IQGAP1: variants seen among roughly 807,000 people sequenced by gnomAD.
The protein encoded by IQGAP1 is IQ motif containing GTPase activating protein 1, also known as ras GTPase-activating-like protein IQGAP1.
Under a neutral mutation model 215.6 loss-of-function variants are expected in IQGAP1, and 66 were observed. The ratio of observed to expected loss-of-function variants is 0.31; its 90% confidence interval spans 0.25 to 0.38. The LOEUF (loss-of-function observed/expected upper bound fraction) is 0.38. IQGAP1 is among the 10% of genes least tolerant of loss of function. The pLI is 1.00. For synonymous variants in IQGAP1, 772 were observed against 728.7 expected (o/e 1.06, Z -0.96); for missense variants, 1,712 against 1,997.1 (o/e 0.86, Z 2.72).
chr15:90,461,312 A>G (rs1011928393), intron 15 of IQGAP1, among the ~76,000 whole-genome samples: 6 of 151,794 alleles, frequency 4.0e-5, no homozygotes, highest in Non-Finnish European at 8.8e-5. Flanking sequence ...AAAAAGAAAA[A>G]CTGATGCTGG....
chr15:90,494,888 C>T, intron 36 of IQGAP1, 53 bp downstream of exon 36: 1 of 1,351,732 alleles, frequency 7.4e-7, no homozygotes, highest in Non-Finnish European at 1.0e-6. Flanking sequence ...ACATTTATCA[C>T]ATCTTTGCCT....
chr15:90,479,999 G>A (rs118123110), intron 26 of IQGAP1, among the ~76,000 whole-genome samples: 2 of 152,026 alleles, frequency 1.3e-5, no homozygotes, highest in African/African-American at 2.4e-5. Context: ...TGGTCCATGA[G>A]TCAGTCATTT....
intron 15 of IQGAP1, among the ~76,000 whole-genome samples, chr15:90,465,671 A>ATTTTTGTT (rs1555439882): frequency 0.026 from 2,294 of 89,208 alleles, 39 homozygotes; most frequent in African/African-American, 0.066. Context: ...TGGCCAAGCT[A>ATTTTTGTT]TGTTTGTTTG....
chr15:90,407,555 C>T (rs1312391764), intron 2 of IQGAP1, among the ~76,000 whole-genome samples: 3 of 152,100 alleles, frequency 2.0e-5, no homozygotes, highest in Non-Finnish European at 2.9e-5. Flanking sequence ...TTTGGGAAAA[C>T]CCGTGTTGCA....
chr15:90,393,260 C>T (rs1380658900), intron 2 of IQGAP1, among the ~76,000 whole-genome samples: 1 of 152,102 alleles, frequency 6.6e-6, no homozygotes, highest in Non-Finnish European at 1.5e-5. Context: ...AGTTGCTCAA[C>T]TTCCTTATAT....
At chr15:90,490,380 T>C (rs1368421210) in intron 33 of IQGAP1, among the ~76,000 whole-genome samples, 1 of 152,146 alleles carries the variant, frequency 6.6e-6, no homozygotes, top group Non-Finnish European at 1.5e-5. Flanking sequence ...ATAAGAGCAG[T>C]AAAGAAGAAA....
intron 9 of IQGAP1, among the ~76,000 whole-genome samples, chr15:90,443,705 C>T (rs1278959145): frequency 6.6e-6 from 1 of 152,146 alleles, no homozygotes; most frequent in African/African-American, 2.4e-5. Context: ...TCATAGTAGT[C>T]TGTTTGGCTA....
chr15:90,441,831 A>G (rs1001328636), intron 8 of IQGAP1, 147 bp downstream of exon 8: 1 of 658,666 alleles, frequency 1.5e-6, no homozygotes, highest in African/African-American at 1.8e-5. Context: ...AGTTTTGAAA[A>G]GTATATGTGA....
intron 18 of IQGAP1, among the ~76,000 whole-genome samples, chr15:90,470,557 AAAT>A (rs1965891401): frequency 6.6e-6 from 1 of 152,104 alleles, no homozygotes; most frequent in Non-Finnish European, 1.5e-5. Context: ...ATCTTTGAAA[AAAT>A]AATAATACAA....
At chr15:90,400,160 CTT>C (rs36123717) in intron 2 of IQGAP1, among the ~76,000 whole-genome samples, 32,237 of 151,826 alleles carry the variant, frequency 0.21, 4,639 homozygotes, top group African/African-American at 0.41. Context: ...TATAATGTCT[CTT>C]GTTTGTTTAT....
chr15:90,400,013 G>A (rs962691404), intron 2 of IQGAP1, among the ~76,000 whole-genome samples: 5 of 152,052 alleles, frequency 3.3e-5, no homozygotes, highest in East Asian at 1.9e-4. Flanking sequence ...CAAGTAACTT[G>A]ATTTTTTTTT....
chr15:90,448,180 G>A (rs1343225015), intron 9 of IQGAP1, among the ~76,000 whole-genome samples: 1 of 152,152 alleles, frequency 6.6e-6, no homozygotes, highest in Non-Finnish European at 1.5e-5. Flanking sequence ...GTAGTAAGTG[G>A]CCACGGGAGA....
chr15:90,500,142 G>A lies in IQGAP1; in HGVS notation c.*34G>A, dbSNP rs935133285. 1.6e-6 allele frequency: 2 copies of A among 1,252,248 alleles called. No individual in the cohort carries two copies. Among genetic ancestry groups the A allele is most frequent in the African/African-American group, 1.5e-5 (1 of 67,712 alleles). The allele number at this position is 1,252,248 out of a possible 1,614,324, so 77.6% of individuals were successfully genotyped here. ...TTGCTGCCAGCCCAGAAGGATGAAGGAAAGAAGCACCTCACAGCTCCTTTC... is the reference window on the plus strand; with the variant it reads ...TTGCTGCCAGCCCAGAAGGATGAAGAAAAGAAGCACCTCACAGCTCCTTTC... On this transcript the variant is annotated 3_prime_UTR_variant, in exon 38 of 38. Transcript: ENST00000268182.
At chr15:90,423,844 T>C (rs986132386) in intron 2 of IQGAP1, among the ~76,000 whole-genome samples, 1 of 152,146 alleles carries the variant, frequency 6.6e-6, no homozygotes, top group Non-Finnish European at 1.5e-5. Flanking sequence ...AAAGGAAATA[T>C]AAAGAATGCT....
chr15:90,391,030 G>GT (rs1402690672), intron 2 of IQGAP1, 157 bp downstream of exon 2: 1 of 558,766 alleles, frequency 1.8e-6, no homozygotes, highest in East Asian at 3.1e-5. Context: ...GAACCCAGCT[G>GT]TTTGAGACCA....
chr15:90,497,393 A>C (rs374363216), intron 37 of IQGAP1, 53 bp downstream of exon 37: 2 of 883,416 alleles, frequency 2.3e-6, no homozygotes, highest in Non-Finnish European at 3.8e-6. Flanking sequence ...TTCTTGTCCA[A>C]GTAGGAGAAA....
intron 18 of IQGAP1, among the ~76,000 whole-genome samples, chr15:90,468,775 G>A (rs1322771020): frequency 6.6e-6 from 1 of 152,064 alleles, no homozygotes; most frequent in African/African-American, 2.4e-5. Flanking sequence ...AGGCTGTAAC[G>A]AGCCATGATC....
intron 5 of IQGAP1, among the ~76,000 whole-genome samples, chr15:90,438,975 T>A (rs1012778372): frequency 6.6e-6 from 1 of 152,154 alleles, no homozygotes; most frequent in Non-Finnish European, 1.5e-5. Flanking sequence ...TCCGCCCACC[T>A]CAGCCTCCCA....
At chr15:90,407,343 A>G (rs781322845) in intron 2 of IQGAP1, among the ~76,000 whole-genome samples, 3 of 152,222 alleles carry the variant, frequency 2.0e-5, no homozygotes, top group Non-Finnish European at 2.9e-5. Flanking sequence ...CAGAAGCTCA[A>G]CCTTTCATCT....
Sources: gnomAD v4.1 joint callset for allele counts (sites outside exome capture counted in the v4.1 genomes callset) on GRCh38, gnomAD v4.1.1 for gene constraint, MANE v1.5 for transcripts, NCBI Gene and HGNC (gene_info 2026-07-23, HGNC 2026-07-21) for gene names.